The following GRID2 variants were observed in gnomAD, a reference collection of about 807,000 sequenced individuals.
The protein encoded by GRID2 is glutamate ionotropic receptor delta type subunit 2.
Under a neutral mutation model 114.8 loss-of-function variants are expected in GRID2, and 33 were observed. That is an observed-to-expected ratio of 0.29 (90% CI 0.22 to 0.38). GRID2 has a LOEUF of 0.38. Among genes scored for constraint, GRID2 ranks in the 10% least tolerant of loss-of-function variants. The probability of loss-of-function intolerance (pLI) is 1.00; values close to 1 mark genes in which losing one functional copy is unlikely to be tolerated. For missense variants in GRID2, 1,184 were observed against 1,257.7 expected (o/e 0.94, Z 0.89); for synonymous variants, 505 against 449.9 (o/e 1.12, Z -1.55).
chr4:92,778,210 G>T (rs1483575983), intron 2 of GRID2, among the ~76,000 whole-genome samples: 3 of 151,840 alleles, frequency 2.0e-5, no homozygotes, highest in African/African-American at 7.3e-5. Flanking sequence ...AGAAATACTT[G>T]ATCCTCATTT....
At chr4:93,128,063 C>T (rs1218877722) in intron 4 of GRID2, among the ~76,000 whole-genome samples, 1 of 52,842 alleles carries the variant, frequency 1.9e-5, no homozygotes, top group Non-Finnish European at 3.5e-5. Flanking sequence ...AAAAAAACAA[C>T]AGTACGTGCT....
chr4:93,109,225 A>G (rs1288771957), intron 3 of GRID2, among the ~76,000 whole-genome samples: 1 of 152,176 alleles, frequency 6.6e-6, no homozygotes, highest in Non-Finnish European at 1.5e-5. Flanking sequence ...GCCCTAGCTG[A>G]GGATTTTATT....
At chr4:92,920,455 C>T (rs1749220254) in intron 2 of GRID2, among the ~76,000 whole-genome samples, 1 of 152,144 alleles carries the variant, frequency 6.6e-6, no homozygotes, top group East Asian at 1.9e-4. Flanking sequence ...ATGGTCTTTA[C>T]AATTTGGCAT....
intron 2 of GRID2, among the ~76,000 whole-genome samples, chr4:93,043,556 C>A (rs964650855): frequency 8.5e-5 from 13 of 152,132 alleles, no homozygotes; most frequent in African/African-American, 3.1e-4. Flanking sequence ...GAGTTTATTT[C>A]CGAAAGTGTG....
chr4:92,939,754 G>A (rs557336457), intron 2 of GRID2, among the ~76,000 whole-genome samples: 4 of 147,502 alleles, frequency 2.7e-5, no homozygotes, highest in South Asian at 4.6e-4. Flanking sequence ...AAGGTGTAAG[G>A]AAGGGATCCA....
At chr4:92,576,931 T>A (rs1005518959) in intron 1 of GRID2, among the ~76,000 whole-genome samples, 5 of 152,178 alleles carry the variant, frequency 3.3e-5, no homozygotes, top group African/African-American at 4.8e-5. Flanking sequence ...GATAACATCT[T>A]GTCTCAGATT....
chr4:92,477,427 C>G (rs1490463998), intron 1 of GRID2, among the ~76,000 whole-genome samples: 2 of 151,888 alleles, frequency 1.3e-5, no homozygotes, highest in Non-Finnish European at 2.9e-5. Context: ...ATACTACTGT[C>G]GTGGTTCACT....
chr4:93,733,612 C>G (rs1560956103), intron 14 of GRID2, among the ~76,000 whole-genome samples: 1 of 152,012 alleles, frequency 6.6e-6, no homozygotes, highest in Non-Finnish European at 1.5e-5. Flanking sequence ...AAATACCTAC[C>G]CAAGGAAAGA....
intron 12 of GRID2, among the ~76,000 whole-genome samples, chr4:93,502,693 GCTCT>G (rs1728226583): frequency 7.1e-6 from 1 of 141,782 alleles, no homozygotes; most frequent in Non-Finnish European, 1.5e-5. Flanking sequence ...TATTTTAATG[GCTCT>G]CTCCTCCACT....
chr4:93,142,183 A>G (rs984111778), intron 4 of GRID2, among the ~76,000 whole-genome samples: 5 of 152,174 alleles, frequency 3.3e-5, no homozygotes, highest in Non-Finnish European at 7.4e-5. Context: ...ACTGCACTAC[A>G]GCCTGGTTGA....
At chr4:93,341,274 C>CT (rs200107851) in intron 8 of GRID2, among the ~76,000 whole-genome samples, 2 of 151,786 alleles carry the variant, frequency 1.3e-5, no homozygotes. Flanking sequence ...ATTTCTAAAA[C>CT]TTTTTTTTCC....
chr4:93,647,700 T>C (rs1173838244), intron 14 of GRID2, among the ~76,000 whole-genome samples: 2 of 152,184 alleles, frequency 1.3e-5, no homozygotes, highest in Admixed American at 6.5e-5. Context: ...TACTGATGGC[T>C]TAGACTGTGT....
chr4:93,023,093 TTGTGTGTG>T (rs370431407), intron 2 of GRID2, among the ~76,000 whole-genome samples: 27 of 143,934 alleles, frequency 1.9e-4, no homozygotes, highest in East Asian at 4.1e-4. Context: ...CAGAGAACAT[TTGTGTGTG>T]TGTGTGTGTG....
chr4:92,643,755 T>C (rs1396410245), intron 2 of GRID2, among the ~76,000 whole-genome samples: 1 of 151,610 alleles, frequency 6.6e-6, no homozygotes, highest in Non-Finnish European at 1.5e-5. Context: ...CCTCTGCACC[T>C]GGCCAAATTT....
In GRID2 at chr4:92,305,046, G is replaced by A. The variant is rs115968495; in HGVS notation, c.88+302G>A. 5.7e-3 allele frequency among the ~76,000 whole-genome samples: 875 copies of A among 152,252 alleles called. 2 individuals are homozygous for A. The highest frequency in any genetic ancestry group is 0.02 in the African/African-American group (847 of 41,538). On this transcript the variant is annotated intron_variant, in intron 1 of 15. Coordinates refer to ENST00000282020, the MANE Select transcript of GRID2 (RefSeq NM_001510.4). ...GGAACTGCAGGGGGATTCTAAGTGT[G>A]TGGGGAAAGGGAGTTTAATTGACTC...
In GRID2 at chr4:92,983,485, T is replaced by C. The variant is rs568248752; in HGVS notation, c.245-101510T>C. Reference sequence around the variant, plus strand: ...TGAGGACATATTCAAACCACAGCAGTAATCTCATGATGCATTTACATCATT... The same window carrying C: ...TGAGGACATATTCAAACCACAGCAGCAATCTCATGATGCATTTACATCATT... On this transcript the variant is annotated intron_variant, in intron 2 of 15. Coordinates refer to ENST00000282020, the MANE Select transcript of GRID2 (RefSeq NM_001510.4). Among the ~76,000 whole-genome samples, 8 of 152,258 alleles carry C rather than the reference T, an allele frequency of 5.3e-5. No homozygotes were observed. In the South Asian group the frequency reaches 1.7e-3, roughly 32 times the overall value.
chr4:93,427,901 A>C (rs906444317), intron 10 of GRID2, among the ~76,000 whole-genome samples: 1 of 152,120 alleles, frequency 6.6e-6, no homozygotes, highest in African/African-American at 2.4e-5. Context: ...TCTTCTGCCT[A>C]GTACAGGAGA....
chr4:92,379,416 G>A (rs946328192), intron 1 of GRID2, among the ~76,000 whole-genome samples: 1 of 151,710 alleles, frequency 6.6e-6, no homozygotes, highest in African/African-American at 2.4e-5. Flanking sequence ...TTATAATGAT[G>A]GAAAAGAAGC....
At chr4:93,771,006 AT>A (rs1456358813) in intron 15 of GRID2, among the ~76,000 whole-genome samples, 1 of 152,186 alleles carries the variant, frequency 6.6e-6, no homozygotes, top group African/African-American at 2.4e-5. Context: ...GAACACTATA[AT>A]AGCACAATGA....
Sources: gnomAD v4.1 joint callset for allele counts (sites outside exome capture counted in the v4.1 genomes callset) on GRCh38, gnomAD v4.1.1 for gene constraint, MANE v1.5 for transcripts, NCBI Gene and HGNC (gene_info 2026-07-23, HGNC 2026-07-21) for gene names.